SMIM35: variants seen among roughly 807,000 people sequenced by gnomAD.
SMIM35 encodes TMPRSS4 antisense RNA 1 (non-protein coding).
chr11:118,049,970 C>T (rs538344655), intron 1 of SMIM35, among the ~76,000 whole-genome samples: 48 of 152,148 alleles, frequency 3.2e-4, no homozygotes, highest in African/African-American at 1.1e-3. Context: ...GAAGTGGAGT[C>T]ACTGGGGCCT....
chr11:118,021,898 A>G (rs1300480862), intron 1 of SMIM35, among the ~76,000 whole-genome samples: 1 of 152,188 alleles, frequency 6.6e-6, no homozygotes, highest in Non-Finnish European at 1.5e-5. Context: ...GACACAAACA[A>G]CACTGCCAGC....
intron 1 of SMIM35, among the ~76,000 whole-genome samples, chr11:118,016,711 C>T (rs1316578442): frequency 6.6e-6 from 1 of 152,206 alleles, no homozygotes; most frequent in Non-Finnish European, 1.5e-5. Context: ...CTTTACCTTG[C>T]TGAACTTCAA....
chr11:118,071,057 AG>A (rs1388773901), intron 1 of SMIM35, among the ~76,000 whole-genome samples: 9 of 152,248 alleles, frequency 5.9e-5, no homozygotes, highest in Admixed American at 5.9e-4. Flanking sequence ...TTCTTTCCAC[AG>A]GCAAAAGAGC....
At chr11:118,007,653 C>T (rs1427048829) in intron 4 of SMIM35, among the ~76,000 whole-genome samples, 2 of 152,118 alleles carry the variant, frequency 1.3e-5, no homozygotes, top group Admixed American at 1.3e-4. Context: ...CTTGGCCTCC[C>T]AAAGTGCTGG....
intron 4 of SMIM35, among the ~76,000 whole-genome samples, chr11:118,012,913 C>T (rs1004883812): frequency 6.6e-6 from 1 of 152,204 alleles, no homozygotes; most frequent in Admixed American, 6.5e-5. Context: ...TAAAGAAGCT[C>T]CCTGCTGGTG....
At chr11:118,059,285 C>A (rs1395274850) in intron 1 of SMIM35, 4 of 151,506 alleles carry the variant, frequency 2.6e-5, no homozygotes, top group Non-Finnish European at 4.4e-5. Flanking sequence ...GAGGGAAGGT[C>A]ACATGAAGAA....
At chr11:118,028,503 C>T (rs2058292143) in intron 1 of SMIM35, among the ~76,000 whole-genome samples, 1 of 152,080 alleles carries the variant, frequency 6.6e-6, no homozygotes, top group South Asian at 2.1e-4. Context: ...AGTCCTGGGT[C>T]TGGCCAAAAT....
At chr11:118,060,345 C>T (rs1484086180) in intron 1 of SMIM35, among the ~76,000 whole-genome samples, 2 of 152,242 alleles carry the variant, frequency 1.3e-5, no homozygotes, top group Non-Finnish European at 2.9e-5. Flanking sequence ...TGAGCACCCA[C>T]TCCCACCTCC....
chr11:118,020,531 T>C (rs900015579), intron 1 of SMIM35, among the ~76,000 whole-genome samples: 5 of 152,238 alleles, frequency 3.3e-5, no homozygotes, highest in African/African-American at 1.2e-4. Flanking sequence ...AATGTTTTCA[T>C]TTATTTTGGG....
At chr11:118,025,283 C>T in intron 1 of SMIM35, 1 of 324,778 alleles carries the variant, frequency 3.1e-6, no homozygotes, top group Non-Finnish European at 6.0e-6. Context: ...GGGTATATAC[C>T]CAGTAATAAG....
intron 1 of SMIM35, among the ~76,000 whole-genome samples, chr11:118,055,324 C>A (rs947398021): frequency 2.0e-5 from 3 of 152,098 alleles, no homozygotes; most frequent in Non-Finnish European, 4.4e-5. Context: ...TCAGGATGAA[C>A]TATAGAGACC....
intron 1 of SMIM35, among the ~76,000 whole-genome samples, chr11:118,081,912 A>G (rs1187338024): frequency 6.6e-6 from 1 of 151,958 alleles, no homozygotes; most frequent in Non-Finnish European, 1.5e-5. Flanking sequence ...GCTTTCCCAC[A>G]CTCCAGACAA....
intron 1 of SMIM35, among the ~76,000 whole-genome samples, chr11:118,058,153 C>T (rs904664766): frequency 1.3e-5 from 2 of 152,140 alleles, no homozygotes; most frequent in African/African-American, 2.4e-5. Flanking sequence ...CTCAGGTCCC[C>T]GTGGCCTGGG....
intron 1 of SMIM35, among the ~76,000 whole-genome samples, chr11:118,076,566 A>G (rs992167301): frequency 1.3e-5 from 2 of 152,318 alleles, no homozygotes; most frequent in East Asian, 3.9e-4. Flanking sequence ...CTGCTGAGGC[A>G]GGGGCAGGAA....
intron 1 of SMIM35, among the ~76,000 whole-genome samples, chr11:118,041,621 TAAAGACCCGGTACACC>T (rs1045641341): frequency 2.6e-5 from 4 of 152,056 alleles, no homozygotes; most frequent in African/African-American, 9.6e-5. Context: ...TGAATGAAAA[TAAAGACCCGGTACACC>T]AAAACTTGTG....
At chr11:118,028,884 G>A (rs571632798) in intron 1 of SMIM35, 92 of 442,852 alleles carry the variant, frequency 2.1e-4, no homozygotes, top group Non-Finnish European at 3.2e-4. Context: ...TGGGGGAGAA[G>A]AAGGAGGAGG....
chr11:118,010,764 C>T (rs2058145818), intron 4 of SMIM35, among the ~76,000 whole-genome samples: 2 of 152,144 alleles, frequency 1.3e-5, no homozygotes, highest in African/African-American at 4.8e-5. Flanking sequence ...GGCACCAAAG[C>T]GTGGCAGGGG....
At chr11:118,024,591 G>A (rs2058259096) in intron 1 of SMIM35, among the ~76,000 whole-genome samples, 1 of 151,996 alleles carries the variant, frequency 6.6e-6, no homozygotes, top group East Asian at 1.9e-4. Context: ...TTCTGTCTCA[G>A]CCTCCCAAGT....
chr11:118,083,404 G>A (rs1372648130), intron 1 of SMIM35, among the ~76,000 whole-genome samples: 2 of 152,088 alleles, frequency 1.3e-5, no homozygotes, highest in Admixed American at 6.5e-5. Flanking sequence ...CAACTGCCCT[G>A]GTCACTGTCC....
Sources: allele counts gnomAD v4.1 joint callset (sites outside exome capture counted in the v4.1 genomes callset), GRCh38; gene constraint gnomAD v4.1.1; transcripts MANE v1.5; gene names NCBI Gene and HGNC (gene_info 2026-07-23, HGNC 2026-07-21).